Variants in COL6A5 observed in about 807,000 individuals in gnomAD.
COL6A5 encodes the protein collagen alpha-5(VI) chain.
Under a neutral mutation model 65.6 loss-of-function variants are expected in COL6A5, and 48 were observed. That is an observed-to-expected ratio of 0.73 (90% CI 0.58 to 0.93). COL6A5 has a LOEUF of 0.93. Ranked by LOEUF, COL6A5 falls within the 40% of genes least tolerant of loss-of-function variation. The pLI, the probability that COL6A5 is intolerant of heterozygous loss-of-function variation, is 0.00. For missense variants in COL6A5, 914 were observed against 928.3 expected (o/e 0.98, Z 0.20); for synonymous variants, 291 against 322.8 (o/e 0.90, Z 1.05).
At chr3:130,443,378 C>T in intron 3 of COL6A5, 98 bp from the exon 36 acceptor site, 1 of 877,840 alleles carries the variant, frequency 1.1e-6, no homozygotes. Flanking sequence ...ATGTTAGTGA[C>T]ATTAGTTGCT....
intron 1 of COL6A5, among the ~76,000 whole-genome samples, chr3:130,433,758 C>T (rs1559901153): frequency 6.6e-6 from 1 of 151,970 alleles, no homozygotes; most frequent in South Asian, 2.1e-4. Flanking sequence ...AAATGTTTGC[C>T]GATTGGGTAG....
rs112761042 is a variant in COL6A5 at position 130,480,090 on chromosome 3, G to A, written c.2329-3945G>A. Among the ~76,000 whole-genome samples the A allele has an allele frequency of 7.9e-3, 1,206 of 152,078 alleles. 16 individuals are homozygous for A. Among genetic ancestry groups the A allele is most frequent in the African/African-American group, 0.027 (1,136 of 41,526 alleles). On this transcript the variant is annotated intron_variant, in intron 7 of 7. Coordinates refer to ENST00000512836, the Ensembl canonical transcript of COL6A5. Reference sequence around the variant, plus strand: ...CCATCGATGTAAATAATATTTATCAGTGCTTAAATATATAACAATAGATAT... The same window carrying A: ...CCATCGATGTAAATAATATTTATCAATGCTTAAATATATAACAATAGATAT...
chr3:130,414,475 C>T (rs755574636), intron 22 of COL6A5, among the ~76,000 whole-genome samples: 1 of 152,094 alleles, frequency 6.6e-6, no homozygotes, highest in Non-Finnish European at 1.5e-5. Context: ...TACACAGGCT[C>T]CCACAAAGGA....
chr3:130,471,698 T>C, intron 7 of COL6A5: 1 of 1,534,778 alleles, frequency 6.5e-7, no homozygotes. Context: ...TCCTGGGATA[T>C]ATGAAATAAA....
At chr3:130,458,117 A>G (rs879625164) in intron 5 of COL6A5, among the ~76,000 whole-genome samples, 1 of 151,980 alleles carries the variant, frequency 6.6e-6, no homozygotes, top group Non-Finnish European at 1.5e-5. Context: ...CTATCTTCCT[A>G]CCTATACCTC....
intron 13 of COL6A5, 74 bp from the exon 14 acceptor site, chr3:130,405,512 ACT>A (rs1220070290): frequency 3.9e-6 from 4 of 1,036,218 alleles, no homozygotes; most frequent in Non-Finnish European, 5.9e-6. Flanking sequence ...CTTTGTCTTA[ACT>A]CTGTGAAAAT....
intron 4 of COL6A5, among the ~76,000 whole-genome samples, chr3:130,449,648 T>C (rs1039106798): frequency 7.9e-5 from 12 of 152,150 alleles, no homozygotes; most frequent in African/African-American, 2.9e-4. Flanking sequence ...TCCTCGAATG[T>C]GTATGGTGCA....
chr3:130,408,445 G>T (rs562909565), intron 17 of COL6A5, among the ~76,000 whole-genome samples: 3 of 152,232 alleles, frequency 2.0e-5, no homozygotes, highest in African/African-American at 7.2e-5. Flanking sequence ...TTGTCTGCTC[G>T]CGAACACTGT....
chr3:130,458,802 G>C (rs819080), intron 5 of COL6A5, among the ~76,000 whole-genome samples: 21,548 of 152,120 alleles, frequency 0.14, 2,026 homozygotes, highest in East Asian at 0.33. Flanking sequence ...ATTATCGAGA[G>C]ATACTAACAG....
exon 5 of COL6A5, chr3:130,455,552 G>A: frequency 6.2e-7 from 1 of 1,612,768 alleles, no homozygotes. Flanking sequence ...AAAGACGGAA[G>A]ACAATGGAAG....
chr3:130,363,036 A>G (rs901494662), intron 1 of COL6A5, among the ~76,000 whole-genome samples: 4 of 152,142 alleles, frequency 2.6e-5, no homozygotes, highest in African/African-American at 9.7e-5. Context: ...ATTAATATCT[A>G]CCATATTTGT....
chr3:130,385,770 C>G (rs1936165878), intron 5 of COL6A5, among the ~76,000 whole-genome samples: 1 of 151,936 alleles, frequency 6.6e-6, no homozygotes, highest in Non-Finnish European at 1.5e-5. Flanking sequence ...TGGACTTTGG[C>G]TCTAGATAGC....
chr3:130,465,726 G>A (rs1281501173), intron 5 of COL6A5, among the ~76,000 whole-genome samples: 2 of 152,048 alleles, frequency 1.3e-5, no homozygotes, highest in African/African-American at 2.4e-5. Context: ...AAAACATAAT[G>A]AAGAGTATAA....
chr3:130,377,779 A>G (rs16826933), intron 3 of COL6A5, among the ~76,000 whole-genome samples: 45,073 of 152,094 alleles, frequency 0.3, 7,785 homozygotes, highest in East Asian at 0.52. Context: ...TATAATATGA[A>G]TGAGGTGACT....
chr3:130,351,438 A>C (rs1934702462), intron 1 of COL6A5, among the ~76,000 whole-genome samples: 1 of 152,192 alleles, frequency 6.6e-6, no homozygotes, highest in South Asian at 2.1e-4. Flanking sequence ...AATATCCAGA[A>C]TCTACAAAGA....
chr3:130,479,500 G>A (rs1710185422), intron 7 of COL6A5, among the ~76,000 whole-genome samples: 1 of 152,066 alleles, frequency 6.6e-6, no homozygotes, highest in South Asian at 2.1e-4. Context: ...TATGGAAAGA[G>A]CTGTATCTTG....
exon 1 of COL6A5, chr3:130,345,910 G>C: frequency 1.3e-5 from 5 of 398,664 alleles, no homozygotes; most frequent in Non-Finnish European, 2.2e-5. Flanking sequence ...TCAGGAGCTC[G>C]GTGCAGCCTC....
intron 19 of COL6A5, 32 bp from the exon 20 acceptor site, chr3:130,410,439 T>C: frequency 6.5e-7 from 1 of 1,527,800 alleles, no homozygotes. Context: ...AATTTTTTCC[T>C]TTTGATCTTG....
At chr3:130,453,871 T>C (rs973081332) in intron 4 of COL6A5, among the ~76,000 whole-genome samples, 8 of 152,176 alleles carry the variant, frequency 5.3e-5, no homozygotes, top group African/African-American at 1.9e-4. Flanking sequence ...TGCAAGCATA[T>C]GTTCCTCTAA....
Sources: gnomAD v4.1 joint callset for allele counts (sites outside exome capture counted in the v4.1 genomes callset) on GRCh38, gnomAD v4.1.1 for gene constraint, MANE v1.5 for transcripts, NCBI Gene and HGNC (gene_info 2026-07-23, HGNC 2026-07-21) for gene names.